Variants in PCDH15 observed in about 807,000 individuals in gnomAD.
PCDH15 encodes protocadherin-15.
PCDH15 carries 129 observed loss-of-function variants against 178.5 expected under a neutral mutation model. The ratio of observed to expected loss-of-function variants is 0.72; its 90% CI spans 0.63 to 0.84. The LOEUF (loss-of-function observed/expected upper bound fraction) is 0.84, where lower values mean the gene tolerates loss of function less well. PCDH15 is among the 40% of genes least tolerant of loss of function. PCDH15 has a pLI of 0.00. For missense variants in PCDH15, 2,230 were observed against 2,099.9 expected, an observed-to-expected ratio of 1.06 and a Z score of -1.21; for synonymous variants, 800 against 732.0, an observed-to-expected ratio of 1.09 and a Z score of -1.50.
At chr10:55,604,719 C>T (rs1284528580) in intron 2 of PCDH15, among the ~76,000 whole-genome samples, 4 of 139,804 alleles carry the variant, frequency 2.9e-5, no homozygotes, top group African/African-American at 5.5e-5. Flanking sequence ...CACAACATAC[C>T]AGAATCTCTG....
chr10:54,191,199 G>T (rs1487438735), intron 11 of PCDH15, among the ~76,000 whole-genome samples: 1 of 152,158 alleles, frequency 6.6e-6, no homozygotes, highest in Non-Finnish European at 1.5e-5. Flanking sequence ...AAGTTGCTAA[G>T]ATATAGGACC....
intron 2 of PCDH15, among the ~76,000 whole-genome samples, chr10:55,086,066 A>G (rs11004731): frequency 0.082 from 12,496 of 151,680 alleles, 607 homozygotes; most frequent in East Asian, 0.23. Flanking sequence ...TATATTTAAT[A>G]TGTATTATTT....
chr10:54,848,382 CAAAAAA>C (rs34830502), intron 3 of PCDH15, among the ~76,000 whole-genome samples: 18,822 of 85,498 alleles, frequency 0.22, 1,805 homozygotes, highest in East Asian at 0.48. Context: ...AACTCCATCT[CAAAAAA>C]AAAAAAAAAA....
intron 2 of PCDH15, among the ~76,000 whole-genome samples, chr10:55,374,076 A>G (rs1354083523): frequency 1.5e-5 from 2 of 131,774 alleles, no homozygotes; most frequent in Non-Finnish European, 3.2e-5. Context: ...GTATCCCAGA[A>G]CTTAAAGTAT....
At chr10:54,655,281 A>G (rs2094362096) in intron 2 of PCDH15, among the ~76,000 whole-genome samples, 1 of 126,080 alleles carries the variant, frequency 7.9e-6, no homozygotes, top group African/African-American at 3.0e-5. Context: ...AGAGAGAGAG[A>G]GAGAGAGAGA....
intron 2 of PCDH15, among the ~76,000 whole-genome samples, chr10:54,937,117 G>C (rs145777841): frequency 6.6e-6 from 1 of 151,806 alleles, no homozygotes; most frequent in Non-Finnish European, 1.5e-5. Flanking sequence ...TTGAAATCTC[G>C]CAATACTCTT....
At chr10:54,356,954 T>C (rs1316469841) in intron 5 of PCDH15, among the ~76,000 whole-genome samples, 2 of 152,086 alleles carry the variant, frequency 1.3e-5, no homozygotes, top group African/African-American at 2.4e-5. Flanking sequence ...TTGACAAAAT[T>C]CAACAACCCT....
At chr10:55,255,964 T>C (rs1274403451) in intron 1 of PCDH15, among the ~76,000 whole-genome samples, 5 of 152,206 alleles carry the variant, frequency 3.3e-5, no homozygotes, top group Non-Finnish European at 5.9e-5. Context: ...TTAGATCCCA[T>C]TTGTCAATTT....
intron 2 of PCDH15, among the ~76,000 whole-genome samples, chr10:55,063,945 A>G (rs781458157): frequency 1.3e-5 from 2 of 152,154 alleles, no homozygotes; most frequent in Admixed American, 1.3e-4. Flanking sequence ...GCTGGGATCA[A>G]ATCAGGATAT....
At chr10:53,980,514 G>C (rs550660710) in intron 21 of PCDH15, among the ~76,000 whole-genome samples, 4 of 152,186 alleles carry the variant, frequency 2.6e-5, no homozygotes, top group East Asian at 1.9e-4. Flanking sequence ...CAGTTGATGA[G>C]GATGTAAGCA....
Position 55,296,340 on chromosome 10 carries a change from A to G in PCDH15, c.-156+23259T>C, listed in dbSNP as rs1185348218. On this transcript the variant is annotated intron_variant, in intron 1 of 5. Coordinates refer to the PCDH15 transcript ENST00000458638. ...CCCTGGAGATTGAAGGATGGTGCTG[A>G]AAGTTCCAACCCTGTGATACCATGG... is the stretch of plus-strand genomic sequence containing the variant. 3.3e-5 allele frequency among the ~76,000 whole-genome samples: 5 copies of G among 152,298 alleles called. No individual in the cohort carries two copies. The East Asian group carries it at 9.7e-4, about 29-fold the overall frequency.
chr10:55,177,400 A>G (rs1839522655), intron 1 of PCDH15, among the ~76,000 whole-genome samples: 1 of 152,168 alleles, frequency 6.6e-6, no homozygotes. Context: ...TTCAATCCTT[A>G]TGGATCAGAA....
chr10:54,454,471 A>C (rs943939791), intron 3 of PCDH15, among the ~76,000 whole-genome samples: 1 of 149,120 alleles, frequency 6.7e-6, no homozygotes, highest in Non-Finnish European at 1.5e-5. Flanking sequence ...TTAATTAATA[A>C]TTAAAATTAT....
chr10:54,744,230 C>A (rs1945179241), intron 1 of PCDH15, among the ~76,000 whole-genome samples: 1 of 151,996 alleles, frequency 6.6e-6, no homozygotes, highest in Non-Finnish European at 1.5e-5. Flanking sequence ...AAAAGTGGAC[C>A]CATCACTGGT....
intron 1 of PCDH15, among the ~76,000 whole-genome samples, chr10:55,282,170 G>A (rs1454890505): frequency 6.6e-6 from 1 of 152,130 alleles, no homozygotes; most frequent in African/African-American, 2.4e-5. Context: ...AATACTGTTT[G>A]TAAGACTCTG....
chr10:55,361,703 A>G (rs1437469312), intron 2 of PCDH15, among the ~76,000 whole-genome samples: 1 of 152,084 alleles, frequency 6.6e-6, no homozygotes, highest in Non-Finnish European at 1.5e-5. Flanking sequence ...AATATGACAT[A>G]ATTTGAATTA....
intron 2 of PCDH15, among the ~76,000 whole-genome samples, chr10:55,059,410 A>G (rs1841378365): frequency 6.6e-6 from 1 of 152,162 alleles, no homozygotes; most frequent in African/African-American, 2.4e-5. Context: ...ATAAATGCCA[A>G]GTTATTATCT....
At chr10:54,559,870 A>AAG in intron 2 of PCDH15, among the ~76,000 whole-genome samples, 1 of 54,404 alleles carries the variant, frequency 1.8e-5, no homozygotes, top group Admixed American at 1.6e-4. Flanking sequence ...AAAAAAAAAA[A>AAG]AAAAGAAAAG....
intron 3 of PCDH15, among the ~76,000 whole-genome samples, chr10:54,461,260 A>T (rs2077148406): frequency 6.6e-6 from 1 of 152,174 alleles, no homozygotes; most frequent in Non-Finnish European, 1.5e-5. Context: ...CTATTGTAGC[A>T]TTAGGTTCAA....
Sources: allele counts gnomAD v4.1 joint callset (sites outside exome capture counted in the v4.1 genomes callset), GRCh38; gene constraint gnomAD v4.1.1; transcripts MANE v1.5; gene names NCBI Gene and HGNC (gene_info 2026-07-23, HGNC 2026-07-21).